Variants in MAP1LC3B observed in about 807,000 individuals in gnomAD.
MAP1LC3B encodes the protein microtubule associated protein 1 light chain 3 beta.
Under a neutral mutation model 16.7 loss-of-function variants are expected in MAP1LC3B, and 12 were observed. That is an observed-to-expected ratio of 0.72 (90% confidence interval 0.46 to 1.16). The LOEUF (loss-of-function observed/expected upper bound fraction) is 1.16, where lower values mean the gene tolerates loss of function less well. Among genes scored for constraint, MAP1LC3B ranks in the 50% most tolerant of loss-of-function variants. The pLI is 0.00. For synonymous variants in MAP1LC3B, 63 were observed against 56.5 expected (o/e 1.11, Z -0.51); for missense variants, 155 against 159.5 (o/e 0.97, Z 0.15).
At chr16:87,396,410 G>C (rs952715292) in intron 1 of MAP1LC3B, among the ~76,000 whole-genome samples, 1 of 151,560 alleles carries the variant, frequency 6.6e-6, no homozygotes. Context: ...GGGAGGCGTA[G>C]CTTGCAGTGA....
chr16:87,396,743 G>A (rs1023721941), intron 1 of MAP1LC3B: 8 of 152,146 alleles, frequency 5.3e-5, no homozygotes, highest in African/African-American at 1.9e-4. Flanking sequence ...TGAGAATCTC[G>A]CTGGGAAGTA....
At position 87,398,860 on chromosome 16, in the gene MAP1LC3B, C is replaced by G. The variant is rs144107314; in HGVS notation, c.86C>G (p.Thr29Ser). The stretch of plus-strand genomic sequence containing the variant: ...CGACTTATTCGAGAGCAGCATCCAA[C>G]CAAAATCCCGGTAGGTAGTCTCAGG... ...DVRLIREQHP[T>S]KIPVIIERYK... Residue 29 changes from threonine to serine, a missense_variant, in exon 2 of 4, where the codon ACC becomes AGC. Transcript: ENST00000268607. 6.2e-7 allele frequency: 1 copy of G among 1,614,092 alleles called. No individual in the cohort carries two copies. Among genetic ancestry groups the G allele is most frequent in the East Asian group, 2.2e-5 (1 of 44,892 alleles).
rs1372891566 is a variant in MAP1LC3B, at chr16:87,398,836, G to A, written c.62G>A (p.Arg21Gln). The change falls in exon 2 of 4, where the codon CGA becomes CAA. Residue 21 changes from arginine to glutamine, a missense_variant. Coordinates refer to ENST00000268607, the MANE Select transcript of MAP1LC3B (RefSeq NM_022818.5). ...GCAGAACAAAGAGTAGAAGATGTCC[G>A]ACTTATTCGAGAGCAGCATCCAACC... Reference protein sequence around the residue: ...RTFEQRVEDVRLIREQHPTKI... With the variant: ...RTFEQRVEDVQLIREQHPTKI... The A allele has an allele frequency of 9.3e-6, 15 of 1,614,008 alleles. No individual in the cohort carries two copies. The highest frequency in any genetic ancestry group is 2.2e-5 in the South Asian group (2 of 91,078).
intron 2 of MAP1LC3B, 93 bp from the exon 3 acceptor site, chr16:87,402,082 G>A (rs777832878): frequency 8.2e-6 from 10 of 1,216,814 alleles, no homozygotes; most frequent in Admixed American, 7.6e-5. Flanking sequence ...TGATGTGCCC[G>A]CCTCGGCCTC....
chr16:87,396,145 G>A (rs1487825457), intron 1 of MAP1LC3B, among the ~76,000 whole-genome samples: 5 of 151,676 alleles, frequency 3.3e-5, no homozygotes, highest in African/African-American at 9.7e-5. Context: ...ACGAGCGTGA[G>A]CCACCGCACC....
At chr16:87,397,118 G>A (rs996150376) in intron 1 of MAP1LC3B, among the ~76,000 whole-genome samples, 12 of 152,016 alleles carry the variant, frequency 7.9e-5, no homozygotes, top group Non-Finnish European at 1.5e-4. Context: ...GAGCCACTGC[G>A]CCCAGCCACC....
At chr16:87,398,108 C>T (rs562521278) in intron 1 of MAP1LC3B, among the ~76,000 whole-genome samples, 13 of 152,162 alleles carry the variant, frequency 8.5e-5, no homozygotes, top group Admixed American at 7.2e-4. Flanking sequence ...CTGCAACCTC[C>T]GTGTCCCAGG....
At chr16:87,394,957 G>A (rs1337117045) in intron 1 of MAP1LC3B, among the ~76,000 whole-genome samples, 1 of 142,218 alleles carries the variant, frequency 7.0e-6, no homozygotes, top group Non-Finnish European at 1.5e-5. Flanking sequence ...TGTGGCCCAG[G>A]CCAGCTTTAA....
At chr16:87,399,502 C>A in intron 2 of MAP1LC3B, 1 of 408,094 alleles carries the variant, frequency 2.5e-6, no homozygotes, top group Non-Finnish European at 4.9e-6. Context: ...GTAGGTCTCA[C>A]ACAATAGAAC....
intron 1 of MAP1LC3B, among the ~76,000 whole-genome samples, chr16:87,397,611 C>G (rs1015141640): frequency 4.6e-5 from 7 of 152,182 alleles, no homozygotes; most frequent in African/African-American, 1.4e-4. Flanking sequence ...GAGTGAGACT[C>G]TGTCTCAAAA....
At chr16:87,402,865 A>G (rs777511407) in intron 3 of MAP1LC3B, 58 bp from the exon 4 acceptor site, 51 of 1,597,976 alleles carry the variant, frequency 3.2e-5, no homozygotes, top group Non-Finnish European at 4.3e-5. Flanking sequence ...ATTTTAACAC[A>G]TGCTTCATCC....
chr16:87,398,909 C>A, intron 2 of MAP1LC3B, 39 bp downstream of exon 2: 1 of 1,571,702 alleles, frequency 6.4e-7, no homozygotes, highest in Non-Finnish European at 8.8e-7. Context: ...CATGAATGTA[C>A]GCAGAGGAGA....
At chr16:87,402,733 A>G in intron 3 of MAP1LC3B, 190 bp from the exon 4 acceptor site, 1 of 704,690 alleles carries the variant, frequency 1.4e-6, no homozygotes, top group South Asian at 1.9e-5. Flanking sequence ...CCTAATATGT[A>G]ATCTTTCAGT....
At chr16:87,392,871 C>G (rs1171108841) in intron 1 of MAP1LC3B, 1 of 152,010 alleles carries the variant, frequency 6.6e-6, no homozygotes, top group Non-Finnish European at 1.5e-5. Flanking sequence ...TTCTGGGGCC[C>G]AACAGCCCCC....
rs1375628444 is a variant in MAP1LC3B, at chr16:87,404,635, TAAGA to T, written c.*1541_*1544del. 1 of 152,340 alleles carries T rather than the reference TAAGA, an allele frequency of 6.6e-6. No homozygotes were observed. The highest frequency in any genetic ancestry group is 3.4e-3 in the Middle Eastern group (1 of 292). The allele number at this position is 152,340 out of a possible 1,614,324, so 9.4% of individuals were successfully genotyped here. A position where few individuals can be genotyped will look rare whatever the true frequency, so the allele number is the denominator to read the frequency against. ...TACCGTGTGATCAGTAAGATTCCTG[TAAGA>T]AATACTGCTTTTTAAGAAAAAAAAT... On this transcript the variant is annotated 3_prime_UTR_variant, in exon 4 of 4. Transcript: ENST00000268607.
intron 2 of MAP1LC3B, among the ~76,000 whole-genome samples, chr16:87,400,858 G>A (rs546986509): frequency 4.5e-4 from 68 of 151,970 alleles, no homozygotes; most frequent in Admixed American, 1.0e-3. Flanking sequence ...TCAGCTGGCC[G>A]GACGCGGTGG....
At chr16:87,400,179 ATTT>A (rs113551235) in intron 2 of MAP1LC3B, 10 of 124,644 alleles carry the variant, frequency 8.0e-5, no homozygotes, top group East Asian at 2.3e-4. Flanking sequence ...TGTGTATAAA[ATTT>A]TTTTTTTTTT....
intron 3 of MAP1LC3B, 93 bp downstream of exon 3, chr16:87,402,374 ATCTTT>A: frequency 8.4e-7 from 1 of 1,192,110 alleles, no homozygotes. Context: ...TCTGGTTAAA[ATCTTT>A]AAAAAATATT....
At position 87,401,579 on chromosome 16, in the gene MAP1LC3B, C is replaced by A. The variant is rs138639638; in HGVS notation, c.97-596C>A. Among the ~76,000 whole-genome samples, 848 of 152,362 alleles carry A rather than the reference C, an allele frequency of 5.6e-3. 15 individuals carry two copies. The highest frequency in any genetic ancestry group is 0.02 in the African/African-American group (816 of 41,590). ...AGACAGTCTAGCTCTATGCCCTAGGCTGGAGTGCAGTGGCGCAACCTCAGC... is the reference window on the plus strand; with the variant it reads ...AGACAGTCTAGCTCTATGCCCTAGGATGGAGTGCAGTGGCGCAACCTCAGC... On this transcript the variant is annotated intron_variant, in intron 2 of 3. Coordinates refer to ENST00000268607, the MANE Select transcript of MAP1LC3B (RefSeq NM_022818.5).
Sources: gnomAD v4.1 joint callset for allele counts (sites outside exome capture counted in the v4.1 genomes callset) on GRCh38, gnomAD v4.1.1 for gene constraint, MANE v1.5 for transcripts, NCBI Gene and HGNC (gene_info 2026-07-23, HGNC 2026-07-21) for gene names.